The following BCL2 variants were observed in gnomAD, a reference collection of about 807,000 sequenced individuals.
The protein encoded by BCL2 is BCL2 apoptosis regulator, also known as apoptosis regulator Bcl-2.
In BCL2, 1 loss-of-function variant was observed where a neutral mutation model predicts 14.2. The ratio of observed to expected loss-of-function variants is 0.07; its 90% CI spans 0.02 to 0.33. BCL2 has a LOEUF of 0.33. Among genes scored for constraint, BCL2 ranks in the 10% least tolerant of loss-of-function variants. The pLI, the probability that BCL2 is intolerant of heterozygous loss-of-function variation, is 0.99. For synonymous variants in BCL2, 151 were observed against 137.2 expected, an observed-to-expected ratio of 1.10 and a Z score of -0.70; for missense variants, 247 against 305.9, an observed-to-expected ratio of 0.81 and a Z score of 1.44.
Position 63,317,748 on chromosome 18 carries a change from G to GA in BCL2, c.585+333dup, listed in dbSNP as rs200792199. 1.1e-3 allele frequency: 1,302 copies of GA among 1,151,562 alleles called. 15 individuals are homozygous for GA. The African/African-American group carries it at 0.019, about 17-fold the overall frequency. 71.3% of individuals were successfully genotyped at this position (1,151,562 alleles called of 1,614,324 possible). On this transcript the variant is annotated intron_variant, in intron 2 of 2. Coordinates refer to ENST00000333681, the MANE Select transcript of BCL2 (RefSeq NM_000633.3). ...GGTTCCAACAAGCTGCTCAAGCCAGGAAACGGTGGTCCTGGGGACTCCTGG... is the reference window on the plus strand; with the variant it reads ...GGTTCCAACAAGCTGCTCAAGCCAGGAAAACGGTGGTCCTGGGGACTCCTGG...
intron 2 of BCL2, among the ~76,000 whole-genome samples, chr18:63,171,229 T>A (rs188549854): frequency 1.1e-3 from 174 of 152,296 alleles, no homozygotes; most frequent in Non-Finnish European, 2.3e-3. Context: ...CTGTGCCAGG[T>A]TAATGGATTT....
In BCL2 at chr18:63,180,600, G is replaced by A. The variant is rs377742107; in HGVS notation, c.586-51841C>T. 4.7e-5 allele frequency among the ~76,000 whole-genome samples: 7 copies of A among 149,336 alleles called. No individual in the cohort carries two copies. In the South Asian group the frequency reaches 1.5e-3, roughly 31 times the overall value. On this transcript the variant is annotated intron_variant, in intron 2 of 2. Coordinates refer to ENST00000333681, the MANE Select transcript of BCL2 (RefSeq NM_000633.3). ...CTGACCACGGCAACGTGAATGCTTC[G>A]CTGCCAGCCAGCTGAGTACTGCCCT...
chr18:63,295,009 A>G (rs1000991829), intron 2 of BCL2, among the ~76,000 whole-genome samples: 16 of 151,136 alleles, frequency 1.1e-4, no homozygotes, highest in African/African-American at 3.4e-4. Context: ...AAAAAAAAAA[A>G]AAAAAATTAG....
chr18:63,290,807 T>C (rs895098813), intron 2 of BCL2, among the ~76,000 whole-genome samples: 2 of 152,230 alleles, frequency 1.3e-5, no homozygotes, highest in Admixed American at 1.3e-4. Context: ...ATTCATTTAA[T>C]CTGCAGTTGC....
intron 2 of BCL2, among the ~76,000 whole-genome samples, chr18:63,255,099 G>A (rs763979323): frequency 1.1e-4 from 16 of 152,314 alleles, no homozygotes; most frequent in South Asian, 6.2e-4. Flanking sequence ...GAAAGACAAC[G>A]GAAAGGAGTT....
intron 2 of BCL2, among the ~76,000 whole-genome samples, chr18:63,197,305 G>C (rs1909471251): frequency 6.6e-6 from 1 of 152,174 alleles, no homozygotes; most frequent in South Asian, 2.1e-4. Context: ...CTCCTGGTCT[G>C]AAAATGGAGC....
chr18:63,207,237 C>T (rs1909862702), intron 2 of BCL2, among the ~76,000 whole-genome samples: 1 of 152,228 alleles, frequency 6.6e-6, no homozygotes. Context: ...GCAGAGCGAG[C>T]CTTGGTCTGT....
At chr18:63,133,434 G>A (rs748650696) in intron 2 of BCL2, among the ~76,000 whole-genome samples, 21 of 148,108 alleles carry the variant, frequency 1.4e-4, no homozygotes, top group Non-Finnish European at 2.7e-4. Context: ...GGGACTACAG[G>A]TACCCTCTAC....
intron 2 of BCL2, chr18:63,313,822 T>C (rs1913411397): frequency 6.6e-6 from 1 of 152,190 alleles, no homozygotes; most frequent in African/African-American, 2.4e-5. Context: ...CTTTTTTTTA[T>C]TTTTAATTTA....
chr18:63,216,307 T>C (rs1184680737), intron 2 of BCL2, among the ~76,000 whole-genome samples: 1 of 151,064 alleles, frequency 6.6e-6, no homozygotes, highest in Non-Finnish European at 1.5e-5. Flanking sequence ...AATCCATTTA[T>C]GAATCAGTAA....
At chr18:63,223,166 C>G (rs1444951271) in intron 2 of BCL2, among the ~76,000 whole-genome samples, 3 of 152,138 alleles carry the variant, frequency 2.0e-5, no homozygotes, top group Non-Finnish European at 4.4e-5. Flanking sequence ...CTTTGGGAGG[C>G]CAACGTGGGC....
At chr18:63,157,191 T>G (rs1914805364) in intron 2 of BCL2, among the ~76,000 whole-genome samples, 1 of 152,230 alleles carries the variant, frequency 6.6e-6, no homozygotes, top group African/African-American at 2.4e-5. Context: ...TGAAGGAATA[T>G]GGTCAAAGTC....
At chr18:63,214,113 T>C (rs1297076493) in intron 2 of BCL2, among the ~76,000 whole-genome samples, 1 of 152,086 alleles carries the variant, frequency 6.6e-6, no homozygotes, top group African/African-American at 2.4e-5. Flanking sequence ...CCAAGCCTTT[T>C]TGTGATAAAG....
intron 1 of BCL2, 105 bp from the exon 2 acceptor site, chr18:63,319,057 A>G: frequency 9.2e-7 from 1 of 1,088,678 alleles, no homozygotes; most frequent in Non-Finnish European, 1.1e-6. Flanking sequence ...AACACGGCTA[A>G]AAAGAATGTA....
intron 2 of BCL2, among the ~76,000 whole-genome samples, chr18:63,212,730 G>A (rs917924967): frequency 1.3e-5 from 2 of 152,040 alleles, no homozygotes; most frequent in East Asian, 3.9e-4. Flanking sequence ...TAAAAAATTA[G>A]CCAGTCACAG....
At chr18:63,229,764 G>A (rs1165535672) in intron 2 of BCL2, among the ~76,000 whole-genome samples, 3 of 152,208 alleles carry the variant, frequency 2.0e-5, no homozygotes, top group South Asian at 2.1e-4. Flanking sequence ...CCCAGTCTCC[G>A]GTGTTCCTCT....
rs573023198 is a variant in BCL2 at position 63,289,542 on chromosome 18, T to C, written c.585+28540A>G. Among the ~76,000 whole-genome samples, 4 of 151,876 alleles carry C rather than the reference T, an allele frequency of 2.6e-5. No individual in the cohort carries two copies. The East Asian group carries it at 7.8e-4, about 29-fold the overall frequency. ...ATGTCACATAGGTTGCAGTGAAAGA[T>C]GGAGAGAGGAATTTGAACAGCTGGA... is the stretch of plus-strand genomic sequence containing the variant. On this transcript the variant is annotated intron_variant, in intron 2 of 2. Transcript: ENST00000333681.
At chr18:63,240,683 C>T (rs997748868) in intron 2 of BCL2, among the ~76,000 whole-genome samples, 1 of 152,226 alleles carries the variant, frequency 6.6e-6, no homozygotes, top group African/African-American at 2.4e-5. Flanking sequence ...TTCCCAATTC[C>T]CTGCCTTTGT....
chr18:63,299,709 G>A (rs1808032369), intron 2 of BCL2, among the ~76,000 whole-genome samples: 1 of 151,614 alleles, frequency 6.6e-6, no homozygotes, highest in Admixed American at 6.6e-5. Context: ...TGGCCTTTTT[G>A]CCATTCCCAA....
Sources: allele counts gnomAD v4.1 joint callset (sites outside exome capture counted in the v4.1 genomes callset), GRCh38; gene constraint gnomAD v4.1.1; transcripts MANE v1.5; gene names NCBI Gene and HGNC (gene_info 2026-07-23, HGNC 2026-07-21).